TMEM44: variants seen among roughly 807,000 people sequenced by gnomAD.
The protein encoded by TMEM44 is transmembrane protein 44.
In TMEM44, 43 loss-of-function variants were observed where a neutral mutation model predicts 47.8. The observed-to-expected ratio is 0.90, with a 90% CI of 0.70 to 1.16. The LOEUF (loss-of-function observed/expected upper bound fraction) is 1.16, where lower values mean the gene tolerates loss of function less well. TMEM44 is among the 50% of genes most tolerant of loss of function. The pLI is 0.00. For missense variants in TMEM44, 568 were observed against 555.2 expected (o/e 1.02, Z -0.23); for synonymous variants, 277 against 238.8 (o/e 1.16, Z -1.48).
At chr3:194,600,991 A>T (rs1021726229) in intron 9 of TMEM44, among the ~76,000 whole-genome samples, 5 of 152,204 alleles carry the variant, frequency 3.3e-5, no homozygotes, top group African/African-American at 1.2e-4. Context: ...TAGGGCATGA[A>T]GGAGGAAGAC....
intron 9 of TMEM44, among the ~76,000 whole-genome samples, chr3:194,601,832 A>G (rs1439545195): frequency 1.3e-5 from 2 of 152,200 alleles, no homozygotes; most frequent in South Asian, 2.1e-4. Flanking sequence ...AAAACAAGAA[A>G]ACAGCCCAAA....
chr3:194,628,296 C>T (rs1717385297), intron 2 of TMEM44, 87 bp downstream of exon 2: 9 of 1,503,202 alleles, frequency 6.0e-6, no homozygotes, highest in Non-Finnish European at 7.1e-6. Context: ...AGCAACAAGA[C>T]AAAAGCCACC....
intron 2 of TMEM44, among the ~76,000 whole-genome samples, chr3:194,626,779 G>A (rs1351607194): frequency 6.6e-6 from 1 of 151,150 alleles, no homozygotes; most frequent in Non-Finnish European, 1.5e-5. Flanking sequence ...CACCTCCTGG[G>A]TTCACGCCAT....
At chr3:194,595,876 C>T (rs1282565206) in intron 9 of TMEM44, among the ~76,000 whole-genome samples, 1 of 152,154 alleles carries the variant, frequency 6.6e-6, no homozygotes. Context: ...CTGCCCGCCT[C>T]AGCCTCCCAA....
chr3:194,601,922 C>G (rs56705012), intron 9 of TMEM44, among the ~76,000 whole-genome samples: 8,635 of 152,244 alleles, frequency 0.057, 793 homozygotes, highest in African/African-American at 0.2. Context: ...CGGCAAGAGT[C>G]AACCTTGTTT....
chr3:194,604,519 C>T (rs1288918585), intron 8 of TMEM44, 74 bp from the exon 9 acceptor site: 22 of 1,445,784 alleles, frequency 1.5e-5, no homozygotes, highest in Non-Finnish European at 4.6e-6. Flanking sequence ...AAAGCATTCA[C>T]ATACTTCAGT....
At chr3:194,616,689 C>A in intron 6 of TMEM44, 1 of 416,542 alleles carries the variant, frequency 2.4e-6, no homozygotes, top group Non-Finnish European at 4.8e-6. Flanking sequence ...CAGCCATTAA[C>A]CACAGTCAGC....
intron 5 of TMEM44, among the ~76,000 whole-genome samples, chr3:194,620,982 C>T (rs1334356147): frequency 6.7e-6 from 1 of 148,190 alleles, no homozygotes; most frequent in African/African-American, 2.5e-5. Context: ...GCCGAGATTG[C>T]ATCATGCACT....
chr3:194,620,589 G>A lies in TMEM44; in HGVS notation c.612+2635C>T, dbSNP rs143423426. Among the ~76,000 whole-genome samples, 66 of 152,300 alleles carry A rather than the reference G, an allele frequency of 4.3e-4. No individual in the cohort carries two copies. In the South Asian group the frequency reaches 5.6e-3, roughly 13 times the overall value. On this transcript the variant is annotated intron_variant, in intron 5 of 9. Coordinates refer to ENST00000347147, the MANE Select transcript of TMEM44 (RefSeq NM_001011655.3). ...CACCTCAGGACCGGGCAGCAACCGG[G>A]AAAATAAAGGGGCACATTTCAGGTT...
At chr3:194,610,801 G>T in intron 8 of TMEM44, 115 bp downstream of exon 8, 1 of 895,226 alleles carries the variant, frequency 1.1e-6, no homozygotes, top group Non-Finnish European at 1.7e-6. Context: ...TTTTTTACCT[G>T]CTTCTCTTGT....
At chr3:194,623,801 C>T (rs368401806) in intron 3 of TMEM44, 106 bp from the exon 4 acceptor site, 110 of 1,436,172 alleles carry the variant, frequency 7.7e-5, no homozygotes, top group African/African-American at 3.6e-4. Context: ...GATGCTGAAG[C>T]GGGTTCCCAC....
chr3:194,590,824 A>G (rs1185544590), intron 9 of TMEM44, among the ~76,000 whole-genome samples: 3 of 152,218 alleles, frequency 2.0e-5, no homozygotes, highest in Non-Finnish European at 4.4e-5. Context: ...TGGCTGCTGA[A>G]GAATGATTCT....
chr3:194,625,449 T>C (rs1161036650), intron 3 of TMEM44, among the ~76,000 whole-genome samples: 3 of 151,648 alleles, frequency 2.0e-5, no homozygotes, highest in African/African-American at 7.2e-5. Flanking sequence ...GGGGTTGTTT[T>C]TGTTTTTTGT....
intron 8 of TMEM44, among the ~76,000 whole-genome samples, chr3:194,604,693 C>T (rs746276580): frequency 2.1e-4 from 32 of 152,314 alleles, no homozygotes; most frequent in Non-Finnish European, 4.0e-4. Context: ...CCCCCGATTT[C>T]CAAAATGATA....
At chr3:194,629,385 C>G (rs1048568366) in intron 1 of TMEM44, among the ~76,000 whole-genome samples, 1 of 152,266 alleles carries the variant, frequency 6.6e-6, no homozygotes, top group South Asian at 2.1e-4. Context: ...GCCCCCACAG[C>G]CACTTCTCCC....
intron 8 of TMEM44, among the ~76,000 whole-genome samples, chr3:194,609,747 C>T (rs1259081051): frequency 6.6e-6 from 1 of 152,066 alleles, no homozygotes; most frequent in Non-Finnish European, 1.5e-5. Flanking sequence ...TCTGCTTCTC[C>T]GTCTGCTCCA....
rs145710073 is a variant in TMEM44 at position 194,617,262 on chromosome 3, C to A, written c.620G>T (p.Gly207Val). The change falls in exon 6 of 10, where the codon GGG (glycine) becomes GTG (valine). Residue 207 changes from glycine to valine, a missense_variant. By Grantham distance (109) the Gly-to-Val change is moderately radical. Transcript: ENST00000347147. ...RIPPLSRICR[G>V]KTFPSIHLWT... ...CAGGTGGATGGAGGGAAATGTCTTC[C>A]CCCGGCACTGGGCAGAGAGAGGGAG... The A allele has an allele frequency of 8.5e-6, 13 of 1,534,426 alleles. No individual in the cohort carries two copies. Among genetic ancestry groups the A allele is most frequent in the African/African-American group, 2.8e-5 (2 of 72,694 alleles).
At chr3:194,599,792 T>C (rs1478950200) in intron 9 of TMEM44, among the ~76,000 whole-genome samples, 1 of 151,942 alleles carries the variant, frequency 6.6e-6, no homozygotes, top group Admixed American at 6.6e-5. Context: ...GCAGTTTTGC[T>C]CTTGTTGCCC....
chr3:194,628,538 C>T, intron 1 of TMEM44, 29 bp from the exon 2 acceptor site: 1 of 1,579,192 alleles, frequency 6.3e-7, no homozygotes, highest in Middle Eastern at 1.7e-4. Flanking sequence ...GGACAGAACA[C>T]AGCAACTGTG....
Sources: allele counts gnomAD v4.1 joint callset (sites outside exome capture counted in the v4.1 genomes callset), GRCh38; gene constraint gnomAD v4.1.1; transcripts MANE v1.5; gene names NCBI Gene and HGNC (gene_info 2026-07-23, HGNC 2026-07-21).